Variants in TWIST2 observed in about 807,000 individuals in gnomAD.
The protein encoded by TWIST2 is twist family bHLH transcription factor 2, also known as twist-related protein 2.
A neutral mutation model predicts 11.6 loss-of-function variants in TWIST2; 1 was observed. The ratio of observed to expected loss-of-function variants is 0.09; its 90% CI spans 0.03 to 0.41. The LOEUF (loss-of-function observed/expected upper bound fraction) is 0.41, where lower values mean the gene tolerates loss of function less well. Among genes scored for constraint, TWIST2 ranks in the 10% least tolerant of loss-of-function variants. The pLI is 0.98. For synonymous variants in TWIST2, 87 were observed against 96.6 expected, an observed-to-expected ratio of 0.90 and a Z score of 0.58; for missense variants, 168 against 226.4, an observed-to-expected ratio of 0.74 and a Z score of 1.66.
Position 238,867,412 on chromosome 2 carries a change from C to CACACACACACACA in TWIST2, c.*35+18679_*35+18680insACACACACACACA, listed in dbSNP as rs201212202. ...ACACACACACACACACACACACACA[C>CACACACACACACA]TCCTCAGTAAAATACCCAGTTCTCA... On this transcript the variant is annotated intron_variant, in intron 1 of 1. Coordinates refer to ENST00000612363, the MANE Select transcript of TWIST2 (RefSeq NM_001271893.4). The surrounding 1 kb of genome is among the most constrained non-coding windows in gnomAD (Gnocchi z 4.8). Among the ~76,000 whole-genome samples the CACACACACACACA allele has an allele frequency of 1.4e-5, 2 of 144,126 alleles. No individual in the cohort carries two copies. Among genetic ancestry groups the CACACACACACACA allele is most frequent in the Non-Finnish European group, 3.1e-5 (2 of 64,162 alleles). 94.6% of individuals were successfully genotyped at this position (144,126 alleles called of 152,430 possible).
rs1379633566 is a variant in TWIST2, at chr2:238,848,315, C to T, written c.100C>T (p.Arg34Cys). 1.1e-5 allele frequency: 17 copies of T among 1,534,194 alleles called. No individual in the cohort carries two copies. The highest frequency in any genetic ancestry group is 1.5e-5 in the Non-Finnish European group (17 of 1,145,942). The stretch of plus-strand genomic sequence containing the variant: ...GCCCAAGCGCTTCGGCCGGAAGCGG[C>T]GCTACAGCAAGAAGTCGAGCGAAGA... ...RQPKRFGRKR[R>C]YSKKSSEDGS... The change falls in exon 1 of 2, where the codon CGC (arginine) becomes TGC (cysteine). Residue 34 changes from arginine (R) to cysteine (C), a missense_variant. Transcript: ENST00000612363.
In TWIST2 at chr2:238,852,668, C is replaced by CAT. The variant is rs1553565885; in HGVS notation, c.*35+3935_*35+3936insAT. Among the ~76,000 whole-genome samples the CAT allele has an allele frequency of 8.8e-4, 125 of 141,424 alleles. 1 individual carries two copies. The highest frequency in any genetic ancestry group is 1.2e-3 in the Non-Finnish European group (74 of 64,272). 92.8% of individuals were successfully genotyped at this position (141,424 alleles called of 152,430 possible). A position where few individuals can be genotyped will look rare whatever the true frequency, so the allele number is the denominator to read the frequency against. On this transcript the variant is annotated intron_variant, in intron 1 of 1. Transcript: ENST00000612363. ...ATAGCACTAAACACACACACACACA[C>CAT]GCACATGCACGTGCACACACATGTA...
At chr2:238,859,168 C>T (rs1433256821) in intron 1 of TWIST2, among the ~76,000 whole-genome samples, 1 of 149,276 alleles carries the variant, frequency 6.7e-6, no homozygotes, top group Non-Finnish European at 1.5e-5. Flanking sequence ...GCCGAGATTG[C>T]ACCACTGCAC....
chr2:238,870,567 A>C (rs1267449910), intron 1 of TWIST2, among the ~76,000 whole-genome samples: 16 of 30,162 alleles, frequency 5.3e-4, no homozygotes, highest in Admixed American at 2.4e-3. Flanking sequence ...CACACCACAC[A>C]CCACACACCA....
intron 1 of TWIST2, among the ~76,000 whole-genome samples, chr2:238,890,133 T>A (rs561279391): frequency 3.0e-4 from 45 of 152,286 alleles, no homozygotes; most frequent in Middle Eastern, 3.4e-3. Context: ...CAGTGGAGCA[T>A]CCGGAGCAAA....
In TWIST2 at chr2:238,905,950, C is replaced by CGT. The variant is rs1207264707; in HGVS notation, c.*36-3887_*36-3886dup. 3.9e-3 allele frequency among the ~76,000 whole-genome samples: 461 copies of CGT among 119,540 alleles called. 11 individuals carry two copies. In the East Asian group the frequency reaches 0.065, roughly 17 times the overall value. The allele number at this position is 119,540 out of a possible 152,430, so 78.4% of individuals were successfully genotyped here. On this transcript the variant is annotated intron_variant, in intron 1 of 1. Coordinates refer to ENST00000612363, the MANE Select transcript of TWIST2 (RefSeq NM_001271893.4). ...GCGTGTGCGCGTGTGTGTGCGCGCGCGTGTGTACGTGTGCGTGTGTGTGCG... is the reference window on the plus strand; with the variant it reads ...GCGTGTGCGCGTGTGTGTGCGCGCGCGTGTGTGTACGTGTGCGTGTGTGTGCG...
At chr2:238,896,813 C>G (rs1025915413) in intron 1 of TWIST2, among the ~76,000 whole-genome samples, 3 of 152,144 alleles carry the variant, frequency 2.0e-5, no homozygotes, top group African/African-American at 7.2e-5. Context: ...ACCATGGGCA[C>G]GTGGTGGCCT....
chr2:238,880,572 GTTAGTA>G (rs1490555262), intron 1 of TWIST2, among the ~76,000 whole-genome samples: 18 of 88,442 alleles, frequency 2.0e-4, no homozygotes, highest in South Asian at 4.4e-4. Flanking sequence ...TAGTATTACT[GTTAGTA>G]TTAGTATTAG....
intron 1 of TWIST2, 83 bp downstream of exon 1, chr2:238,848,816 C>G: frequency 1.7e-6 from 2 of 1,143,686 alleles, no homozygotes; most frequent in Non-Finnish European, 1.1e-6. Flanking sequence ...CTGCTCGTGT[C>G]TCCTCGGCGA....
intron 1 of TWIST2, among the ~76,000 whole-genome samples, chr2:238,889,007 A>T (rs1693086311): frequency 6.6e-6 from 1 of 152,184 alleles, no homozygotes; most frequent in Non-Finnish European, 1.5e-5. Context: ...CTCTTAAAAA[A>T]ATTCCAGTGT....
chr2:238,896,141 C>T (rs1046080591), intron 1 of TWIST2, among the ~76,000 whole-genome samples: 4 of 152,026 alleles, frequency 2.6e-5, no homozygotes, highest in East Asian at 1.9e-4. Flanking sequence ...GCATGAGTCA[C>T]GGAGGGGGGA....
At chr2:238,904,432 G>A (rs1016771489) in intron 1 of TWIST2, among the ~76,000 whole-genome samples, 39 of 151,452 alleles carry the variant, frequency 2.6e-4, no homozygotes, top group African/African-American at 7.8e-4. Flanking sequence ...GATGTGGGGT[G>A]TGTGTGATGT....
At chr2:238,896,275 A>G (rs1693206557) in intron 1 of TWIST2, among the ~76,000 whole-genome samples, 1 of 152,202 alleles carries the variant, frequency 6.6e-6, no homozygotes, top group African/African-American at 2.4e-5. Flanking sequence ...CTGCCGTGCC[A>G]TCAAAGCAGA....
intron 1 of TWIST2, among the ~76,000 whole-genome samples, chr2:238,854,525 C>A (rs531414368): frequency 6.6e-6 from 1 of 152,214 alleles, no homozygotes; most frequent in East Asian, 1.9e-4. Flanking sequence ...GCAGCTCCCC[C>A]CAGGAGGGGT....
At chr2:238,883,973 G>A (rs1361756466) in intron 1 of TWIST2, among the ~76,000 whole-genome samples, 1 of 152,080 alleles carries the variant, frequency 6.6e-6, no homozygotes, top group Admixed American at 6.6e-5. Context: ...TGCATTAAAT[G>A]TGATTGGCCT....
intron 1 of TWIST2, among the ~76,000 whole-genome samples, chr2:238,859,570 C>G (rs1355579440): frequency 6.4e-5 from 8 of 124,456 alleles, no homozygotes; most frequent in Non-Finnish European, 1.7e-5. Context: ...TTACTACTAT[C>G]ACCAAAAAAA....
At chr2:238,882,412 T>C (rs1454327915) in intron 1 of TWIST2, among the ~76,000 whole-genome samples, 1 of 152,232 alleles carries the variant, frequency 6.6e-6, no homozygotes, top group Non-Finnish European at 1.5e-5. Flanking sequence ...TTTCCACTTT[T>C]AGACTGCAGC....
chr2:238,906,619 TACTC>T (rs1190063612), intron 1 of TWIST2, among the ~76,000 whole-genome samples: 21 of 152,108 alleles, frequency 1.4e-4, no homozygotes, highest in South Asian at 6.2e-4. Flanking sequence ...CATTCTTTCA[TACTC>T]ACACTCACTC....
At chr2:238,862,622 T>C (rs1322475053) in intron 1 of TWIST2, among the ~76,000 whole-genome samples, 1 of 152,212 alleles carries the variant, frequency 6.6e-6, no homozygotes, top group African/African-American at 2.4e-5. Flanking sequence ...GCACAAGCTT[T>C]CTAAAGGAAT....
Sources: allele counts gnomAD v4.1 joint callset (sites outside exome capture counted in the v4.1 genomes callset), GRCh38; gene constraint gnomAD v4.1.1; non-coding constraint Gnocchi (gnomAD v3.1); transcripts MANE v1.5; gene names NCBI Gene and HGNC (gene_info 2026-07-23, HGNC 2026-07-21).